Variants in DTWD2 observed in about 807,000 individuals in gnomAD.
The protein encoded by DTWD2 is tRNA-uridine aminocarboxypropyltransferase 2.
Under a neutral mutation model 31.8 loss-of-function variants are expected in DTWD2, and 39 were observed. That is an observed-to-expected ratio of 1.22 (90% CI 0.95 to 1.60). The LOEUF is 1.60. DTWD2 is among the 40% of genes most tolerant of loss of function. The probability of loss-of-function intolerance (pLI) is 0.00; values close to 1 mark genes in which losing one functional copy is unlikely to be tolerated. For missense variants in DTWD2, 515 were observed against 381.5 expected, an observed-to-expected ratio of 1.35 and a Z score of -2.92; for synonymous variants, 180 against 142.8, an observed-to-expected ratio of 1.26 and a Z score of -1.86.
intron 5 of DTWD2, among the ~76,000 whole-genome samples, chr5:118,845,311 C>T (rs1751824968): frequency 6.6e-6 from 1 of 152,132 alleles, no homozygotes; most frequent in Non-Finnish European, 1.5e-5. Flanking sequence ...CTTTCCTCCC[C>T]AGGAGGGAAA....
Position 118,945,774 on chromosome 5 carries a change from A to AAAAGAAAGAAAGAAAGAAAGAAAGAAAG in DTWD2, c.219-1153_219-1126dup, listed in dbSNP as rs56103316. On this transcript the variant is annotated intron_variant, in intron 1 of 5. Transcript: ENST00000510708. The stretch of plus-strand genomic sequence containing the variant: ...AGCGAGACTCCAACTCAAAAAAAAA[A>AAAAGAAAGAAAGAAAGAAAGAAAGAAAG]AAAGAAAGAAAGAAAGAAAGAAAGA... 6.7e-3 allele frequency among the ~76,000 whole-genome samples: 902 copies of AAAAGAAAGAAAGAAAGAAAGAAAGAAAG among 134,258 alleles called. 10 individuals carry two copies. Among genetic ancestry groups the AAAAGAAAGAAAGAAAGAAAGAAAGAAAG allele is most frequent in the African/African-American group, 0.024 (836 of 34,874 alleles). The allele number at this position is 134,258 out of a possible 152,430, so 88.1% of individuals were successfully genotyped here.
In DTWD2 at chr5:118,837,510, CTCCCTGAAATTCAGCA is replaced by C. The variant is rs1751600325; in HGVS notation, c.*3391_*3406del. The C allele has an allele frequency of 6.6e-6, 1 of 152,140 alleles. No individual in the cohort carries two copies. Among genetic ancestry groups the C allele is most frequent in the Non-Finnish European group, 1.5e-5 (1 of 67,998 alleles). 9.4% of individuals were successfully genotyped at this position (152,140 alleles called of 1,614,324 possible). A position where few individuals can be genotyped will look rare whatever the true frequency, so the allele number is the denominator to read the frequency against. ...CTACAGGCAAGGGTCAACAATTTAG[CTCCCTGAAATTCAGCA>C]TCCCTGAAATTCAATGGAAAGGATT... On this transcript the variant is annotated 3_prime_UTR_variant, in exon 6 of 6. Transcript: ENST00000510708.
At chr5:118,889,527 G>T (rs1251431856) in intron 4 of DTWD2, among the ~76,000 whole-genome samples, 1 of 151,906 alleles carries the variant, frequency 6.6e-6, no homozygotes, top group East Asian at 1.9e-4. Flanking sequence ...AACACGGGGG[G>T]ATATGCATGT....
intron 1 of DTWD2, among the ~76,000 whole-genome samples, chr5:118,952,197 G>C (rs141853319): frequency 2.0e-5 from 3 of 152,156 alleles, no homozygotes; most frequent in Non-Finnish European, 4.4e-5. Flanking sequence ...TCTTTCTCAC[G>C]GAGCAAAGAG....
chr5:118,971,636 T>C (rs1210015268), intron 1 of DTWD2, among the ~76,000 whole-genome samples: 1 of 152,104 alleles, frequency 6.6e-6, no homozygotes, highest in Non-Finnish European at 1.5e-5. Context: ...GCAGACCTGA[T>C]AGAGATCTAC....
intron 4 of DTWD2, among the ~76,000 whole-genome samples, chr5:118,853,011 T>A (rs1752046603): frequency 6.6e-6 from 1 of 152,092 alleles, no homozygotes; most frequent in South Asian, 2.1e-4. Context: ...AGTTAAGTAC[T>A]GGGTACACAT....
chr5:118,852,361 G>C (rs879892298), intron 4 of DTWD2, among the ~76,000 whole-genome samples: 8 of 151,854 alleles, frequency 5.3e-5, no homozygotes, highest in Non-Finnish European at 1.2e-4. Context: ...AGGATTAAGA[G>C]ATTAAAGTAA....
rs1360709769 is a variant in DTWD2 at position 118,840,860 on chromosome 5, C to T, written c.*57G>A. ...CCTACAGACCTTAACTATATGAAAA[C>T]TTAATTTGGTATTGTTAGATGAAGA... On this transcript the variant is annotated 3_prime_UTR_variant, in exon 6 of 6. Coordinates refer to ENST00000510708, the MANE Select transcript of DTWD2 (RefSeq NM_173666.4). 16 of 1,554,418 alleles carry T rather than the reference C, an allele frequency of 1.0e-5. No individual in the cohort carries two copies. Among genetic ancestry groups the T allele is most frequent in the Non-Finnish European group, 1.3e-5 (15 of 1,152,000 alleles).
chr5:118,882,940 A>C (rs938268949), intron 4 of DTWD2, among the ~76,000 whole-genome samples: 8 of 152,336 alleles, frequency 5.3e-5, no homozygotes, highest in Admixed American at 2.0e-4. Flanking sequence ...GCCAGCTTGA[A>C]TTCCTCCCCA....
intron 1 of DTWD2, among the ~76,000 whole-genome samples, chr5:118,964,925 T>C (rs1178819275): frequency 6.6e-6 from 1 of 150,662 alleles, no homozygotes; most frequent in Non-Finnish European, 1.5e-5. Flanking sequence ...GAGGAGCCCC[T>C]CTGCCCGGCT....
intron 4 of DTWD2, among the ~76,000 whole-genome samples, chr5:118,885,973 A>T (rs988493682): frequency 1.3e-5 from 2 of 152,044 alleles, no homozygotes; most frequent in African/African-American, 2.4e-5. Flanking sequence ...CCCCTGTCTC[A>T]AAGAAACACA....
intron 1 of DTWD2, chr5:118,973,653 T>TCGCGGCAGCCTCCTTGCTCGC (rs1561478067): frequency 1.7e-5 from 14 of 801,602 alleles, no homozygotes; most frequent in African/African-American, 5.2e-5. Context: ...GCCTCCTTGC[T>TCGCGGCAGCCTCCTTGCTCGC]CGCGGCAGCC....
intron 1 of DTWD2, among the ~76,000 whole-genome samples, chr5:118,965,331 AC>A (rs1185524328): frequency 3.3e-5 from 4 of 121,206 alleles, no homozygotes; most frequent in African/African-American, 9.8e-5. Context: ...CTCAGCCGCC[AC>A]CCCGTCCGGG....
intron 2 of DTWD2, among the ~76,000 whole-genome samples, chr5:118,943,294 G>A (rs1483750563): frequency 1.3e-5 from 2 of 152,202 alleles, no homozygotes; most frequent in Non-Finnish European, 2.9e-5. Flanking sequence ...GCTCACGCCT[G>A]TAATCCCAGC....
At chr5:118,968,551 C>G (rs1455717777) in intron 1 of DTWD2, among the ~76,000 whole-genome samples, 3 of 152,142 alleles carry the variant, frequency 2.0e-5, no homozygotes, top group African/African-American at 7.2e-5. Context: ...CCTACCCCAG[C>G]CAAGGGAGGC....
At chr5:118,911,783 A>G (rs1193704763) in intron 4 of DTWD2, among the ~76,000 whole-genome samples, 2 of 152,158 alleles carry the variant, frequency 1.3e-5, no homozygotes, top group Non-Finnish European at 2.9e-5. Flanking sequence ...ACAGGACCCA[A>G]TCTTCGTCCA....
At position 118,935,280 on chromosome 5, in the gene DTWD2, T is replaced by G. The variant is rs190059280; in HGVS notation, c.404+3916A>C. On this transcript the variant is annotated intron_variant, in intron 3 of 5. Coordinates refer to ENST00000510708, the MANE Select transcript of DTWD2 (RefSeq NM_173666.4). ...ATCCTTTATCATAAACTGGTAAACA[T>G]TAAGTGTTTCTAACTAACTGAACCC... Among the ~76,000 whole-genome samples the G allele has an allele frequency of 2.6e-5, 4 of 152,238 alleles. No homozygotes were observed. The East Asian group carries it at 7.7e-4, about 29-fold the overall frequency.
intron 4 of DTWD2, among the ~76,000 whole-genome samples, chr5:118,868,845 A>C (rs1752438927): frequency 6.6e-6 from 1 of 151,514 alleles, no homozygotes; most frequent in Non-Finnish European, 1.5e-5. Flanking sequence ...TCTTAAAAAA[A>C]AAAAAAAAAA....
intron 3 of DTWD2, among the ~76,000 whole-genome samples, chr5:118,929,230 C>T (rs1221154132): frequency 6.6e-6 from 1 of 152,196 alleles, no homozygotes; most frequent in African/African-American, 2.4e-5. Context: ...CTAAATATGG[C>T]CTGAGAAGGA....
Sources: allele counts gnomAD v4.1 joint callset (sites outside exome capture counted in the v4.1 genomes callset), GRCh38; gene constraint gnomAD v4.1.1; transcripts MANE v1.5; gene names NCBI Gene and HGNC (gene_info 2026-07-23, HGNC 2026-07-21).